Variants in GAS7 observed in about 807,000 individuals in gnomAD.
GAS7 encodes growth arrest-specific protein 7.
A neutral mutation model predicts 71.1 loss-of-function variants in GAS7; 28 were observed. That is an observed-to-expected ratio of 0.39 (90% confidence interval 0.29 to 0.54). The LOEUF is 0.54. Ranked by LOEUF, GAS7 falls within the 20% of genes least tolerant of loss-of-function variation. The pLI is 0.62. For synonymous variants in GAS7, 258 were observed against 245.8 expected, an observed-to-expected ratio of 1.05 and a Z score of -0.46; for missense variants, 436 against 627.8, an observed-to-expected ratio of 0.69 and a Z score of 3.27.
At chr17:10,151,787 C>T (rs1359957618) in intron 1 of GAS7, among the ~76,000 whole-genome samples, 1 of 152,194 alleles carries the variant, frequency 6.6e-6, no homozygotes, top group Non-Finnish European at 1.5e-5. Flanking sequence ...TTCAAGCGCT[C>T]CTCCTGCCTC....
intron 1 of GAS7, among the ~76,000 whole-genome samples, chr17:10,119,126 G>A (rs8066210): frequency 0.32 from 48,606 of 152,026 alleles, 8,276 homozygotes; most frequent in East Asian, 0.62. Context: ...AGCATGAGGT[G>A]GGAATGGGTT....
chr17:10,084,058 A>C (rs2073487421), intron 1 of GAS7, among the ~76,000 whole-genome samples: 1 of 152,160 alleles, frequency 6.6e-6, no homozygotes, highest in South Asian at 2.1e-4. Context: ...TGCTGCTCTC[A>C]CAGGGAGGCT....
intron 1 of GAS7, among the ~76,000 whole-genome samples, chr17:10,181,471 A>C (rs2074416368): frequency 6.6e-6 from 1 of 152,170 alleles, no homozygotes; most frequent in Non-Finnish European, 1.5e-5. Context: ...TACTTCGAGG[A>C]ACAGGAACAG....
intron 2 of GAS7, among the ~76,000 whole-genome samples, chr17:9,986,481 AGCT>A (rs1459295625): frequency 2.0e-5 from 3 of 152,186 alleles, no homozygotes; most frequent in Admixed American, 2.0e-4. Flanking sequence ...TGAACAGAGA[AGCT>A]GCTGGTCCCC....
chr17:10,125,517 C>T (rs1439988388), intron 1 of GAS7, among the ~76,000 whole-genome samples: 2 of 111,766 alleles, frequency 1.8e-5, no homozygotes, highest in East Asian at 2.9e-4. Flanking sequence ...AAGAGCGAAA[C>T]TCCATCTTAA....
At chr17:10,156,388 T>A (rs577936794) in intron 1 of GAS7, among the ~76,000 whole-genome samples, 1 of 152,336 alleles carries the variant, frequency 6.6e-6, no homozygotes, top group African/African-American at 2.4e-5. Context: ...GCATTTAATT[T>A]CAGATCAGTT....
intron 1 of GAS7, among the ~76,000 whole-genome samples, chr17:10,158,114 C>T (rs376293002): frequency 2.0e-5 from 3 of 152,276 alleles, no homozygotes; most frequent in African/African-American, 7.2e-5. Context: ...AGGTTGATGC[C>T]ATCCTCCTGC....
chr17:10,171,491 A>G (rs1261987869), intron 1 of GAS7, among the ~76,000 whole-genome samples: 3 of 152,234 alleles, frequency 2.0e-5, no homozygotes, highest in Admixed American at 6.5e-5. Context: ...AGGAATCTAC[A>G]GTGCTTGAGT....
chr17:9,921,581 G>A (rs1198530413), intron 11 of GAS7, among the ~76,000 whole-genome samples: 2 of 152,172 alleles, frequency 1.3e-5, no homozygotes, highest in Non-Finnish European at 2.9e-5. Context: ...GAAGGGGGCT[G>A]TACCTTCTCT....
chr17:10,008,261 T>C (rs1247665829), intron 2 of GAS7, among the ~76,000 whole-genome samples: 2 of 152,224 alleles, frequency 1.3e-5, no homozygotes, highest in Non-Finnish European at 2.9e-5. Flanking sequence ...AGTGGAATAT[T>C]CTGGGTCACT....
intron 3 of GAS7, among the ~76,000 whole-genome samples, chr17:9,978,744 G>GA (rs2070300260): frequency 6.6e-6 from 1 of 152,108 alleles, no homozygotes; most frequent in South Asian, 2.1e-4. Context: ...TATGTCAGGG[G>GA]AAAATGTATG....
rs1567766695 is a variant in GAS7, at chr17:9,918,020, G to C, written c.1298C>G (p.Thr433Arg). The C allele has an allele frequency of 2.5e-6, 4 of 1,613,260 alleles. No homozygotes were observed. Among genetic ancestry groups the C allele is most frequent in the Non-Finnish European group, 2.5e-6 (3 of 1,179,280 alleles). Residue 433 changes from threonine to arginine, a missense_variant, in exon 13 of 14, where the codon ACA becomes AGA. By Grantham distance (71) the Thr-to-Arg change is moderately conservative (BLOSUM62 -1). Coordinates refer to ENST00000432992, the MANE Select transcript of GAS7 (RefSeq NM_201433.2). ...ACTCACGCTTTGGTTGAACATGTCT[G>C]TTTCATGCCGCAGCTGCGTGTACTG... ...LCQYTQLRHE[T>R]DMFNQSTVEP...
At chr17:10,179,912 C>T (rs1305164289) in intron 1 of GAS7, among the ~76,000 whole-genome samples, 2 of 152,060 alleles carry the variant, frequency 1.3e-5, no homozygotes, top group East Asian at 3.8e-4. Flanking sequence ...ATGCAAAATA[C>T]GTAATATGGC....
chr17:10,095,979 C>T (rs536849426), intron 1 of GAS7, among the ~76,000 whole-genome samples: 2 of 152,148 alleles, frequency 1.3e-5, no homozygotes, highest in East Asian at 3.9e-4. Context: ...CCTGGCTGTG[C>T]CCATTGCGGG....
chr17:10,094,143 G>A (rs962866136), intron 1 of GAS7, among the ~76,000 whole-genome samples: 5 of 152,140 alleles, frequency 3.3e-5, no homozygotes, highest in East Asian at 1.9e-4. Context: ...ACTGCTAATC[G>A]CTAACCTAAG....
intron 1 of GAS7, among the ~76,000 whole-genome samples, chr17:10,130,382 A>C (rs1367803925): frequency 6.6e-6 from 1 of 151,560 alleles, no homozygotes; most frequent in Non-Finnish European, 1.5e-5. Flanking sequence ...AAGGATATGG[A>C]GGCATTGGAA....
chr17:10,039,933 C>T (rs1597737807), intron 1 of GAS7: 3 of 322,702 alleles, frequency 9.3e-6, no homozygotes, highest in East Asian at 1.7e-4. Flanking sequence ...TTTTCTCTTA[C>T]ATGCCTGACA....
Position 9,926,159 on chromosome 17 carries a change from C to CA in GAS7, c.1014+481dup, listed in dbSNP as rs1334360226. 6.6e-6 allele frequency among the ~76,000 whole-genome samples: 1 copy of CA among 152,012 alleles called. No individual in the cohort carries two copies. The highest frequency in any genetic ancestry group is 1.5e-5 in the Non-Finnish European group (1 of 67,998). The stretch of plus-strand genomic sequence containing the variant: ...CTCTAAGGCACTGGGGACTGGGAAT[C>CA]AGTCCCTGGGGCACACTCTCTTCCC... On this transcript the variant is annotated intron_variant, in intron 10 of 13. Coordinates refer to ENST00000432992, the MANE Select transcript of GAS7 (RefSeq NM_201433.2). This position sits in a 1 kb window ranked among gnomAD's most constrained non-coding sequence, Gnocchi z 5.0.
intron 1 of GAS7, among the ~76,000 whole-genome samples, chr17:10,194,144 A>T (rs2074522695): frequency 6.6e-6 from 1 of 152,236 alleles, no homozygotes; most frequent in Non-Finnish European, 1.5e-5. Context: ...TAACCCAGAA[A>T]GAAAGGAAAA....
Sources: allele counts gnomAD v4.1 joint callset (sites outside exome capture counted in the v4.1 genomes callset), GRCh38; gene constraint gnomAD v4.1.1; non-coding constraint Gnocchi (gnomAD v3.1); transcripts MANE v1.5; gene names NCBI Gene and HGNC (gene_info 2026-07-23, HGNC 2026-07-21).